PHTF2: variants seen among roughly 807,000 people sequenced by gnomAD.
The protein encoded by PHTF2 is putative homeodomain transcription factor 2.
In PHTF2, 60 loss-of-function variants were observed where a neutral mutation model predicts 101.2. That is an observed-to-expected ratio of 0.59 (90% CI 0.48 to 0.73). PHTF2 has a LOEUF of 0.73. PHTF2 is among the 30% of genes least tolerant of loss of function. PHTF2 has a pLI of 0.00. For missense variants in PHTF2, 747 were observed against 908.7 expected, an observed-to-expected ratio of 0.82 and a Z score of 2.29; for synonymous variants, 311 against 307.3, an observed-to-expected ratio of 1.01 and a Z score of -0.13.
chr7:77,879,133 C>CTAT (rs1799192803), intron 3 of PHTF2, among the ~76,000 whole-genome samples: 5 of 152,192 alleles, frequency 3.3e-5, no homozygotes, highest in Admixed American at 2.0e-4. Context: ...AGACATTGGT[C>CTAT]CTTTCAGACC....
chr7:77,924,432 G>A (rs535908376), intron 11 of PHTF2, among the ~76,000 whole-genome samples: 6 of 152,206 alleles, frequency 3.9e-5, no homozygotes, highest in Non-Finnish European at 8.8e-5. Context: ...CCTGATTGTC[G>A]TTTGTTGCAG....
chr7:77,951,733 G>C (rs780922505), intron 18 of PHTF2, 21 bp downstream of exon 17: 1 of 972,186 alleles, frequency 1.0e-6, no homozygotes, highest in Non-Finnish European at 1.5e-6. Flanking sequence ...AACTGAAAAT[G>C]GTTATAATGT....
intron 3 of PHTF2, among the ~76,000 whole-genome samples, chr7:77,860,524 T>TAAAGAA (rs1797553105): frequency 1.3e-5 from 2 of 152,256 alleles, no homozygotes; most frequent in East Asian, 3.9e-4. Flanking sequence ...ATCTGTAATA[T>TAAAGAA]TGAGATAAGA....
intron 3 of PHTF2, among the ~76,000 whole-genome samples, chr7:77,880,736 A>G (rs1258447426): frequency 6.6e-6 from 1 of 152,110 alleles, no homozygotes; most frequent in Non-Finnish European, 1.5e-5. Context: ...GCCCCATCTA[A>G]TGGCTTCAGT....
intron 1 of PHTF2, among the ~76,000 whole-genome samples, chr7:77,836,099 CAA>C (rs1473962175): frequency 1.2e-4 from 10 of 86,346 alleles, no homozygotes; most frequent in African/African-American, 3.4e-4. Context: ...GCCTGGGTAA[CAA>C]GAGCGAAAAC....
At chr7:77,844,337 CG>C (rs1234031991) in intron 2 of PHTF2, among the ~76,000 whole-genome samples, 6 of 152,032 alleles carry the variant, frequency 3.9e-5, no homozygotes, top group Non-Finnish European at 1.5e-5. Context: ...AAAATTGTGA[CG>C]TTTTTATATT....
intron 18 of PHTF2, among the ~76,000 whole-genome samples, chr7:77,952,528 T>A (rs1806642194): frequency 6.6e-6 from 1 of 152,170 alleles, no homozygotes; most frequent in African/African-American, 2.4e-5. Context: ...AGGAAGATGA[T>A]GACATTTAAA....
At chr7:77,935,474 C>G (rs928297894) in intron 12 of PHTF2, among the ~76,000 whole-genome samples, 1 of 152,184 alleles carries the variant, frequency 6.6e-6, no homozygotes, top group African/African-American at 2.4e-5. Context: ...ATCCGCCCAC[C>G]TCAGCCTCCC....
chr7:77,824,047 G>A (rs1195413937), intron 1 of PHTF2, among the ~76,000 whole-genome samples: 5 of 152,092 alleles, frequency 3.3e-5, no homozygotes, highest in Admixed American at 6.5e-5. Context: ...GCTGGAGAGG[G>A]ATCATATGAG....
At chr7:77,954,610 GTGTATATATA>G (rs1192119688) in intron 19 of PHTF2, among the ~76,000 whole-genome samples, 1,471 of 82,524 alleles carry the variant, frequency 0.018, 17 homozygotes, top group African/African-American at 0.06. Flanking sequence ...AACAAGTACT[GTGTATATATA>G]TATATATATA....
intron 3 of PHTF2, among the ~76,000 whole-genome samples, chr7:77,878,529 T>G (rs1799136910): frequency 6.6e-6 from 1 of 152,216 alleles, no homozygotes; most frequent in African/African-American, 2.4e-5. Context: ...CCATAATTTC[T>G]AGTCTCATGG....
At chr7:77,802,345 A>G (rs979126686) in intron 1 of PHTF2, among the ~76,000 whole-genome samples, 4 of 152,218 alleles carry the variant, frequency 2.6e-5, no homozygotes, top group Non-Finnish European at 5.9e-5. Flanking sequence ...CCATTATTAC[A>G]TGTTTATTTA....
At chr7:77,806,090 C>G (rs1792953392) in intron 1 of PHTF2, among the ~76,000 whole-genome samples, 1 of 151,612 alleles carries the variant, frequency 6.6e-6, no homozygotes, top group Non-Finnish European at 1.5e-5. Flanking sequence ...CAGAAGAATC[C>G]TTTGAACCTG....
intron 3 of PHTF2, among the ~76,000 whole-genome samples, chr7:77,892,327 G>A (rs1471283096): frequency 6.6e-6 from 1 of 152,104 alleles, no homozygotes; most frequent in Admixed American, 6.6e-5. Context: ...TTCTTATCAA[G>A]TCACTTAAGT....
At chr7:77,929,729 A>T (rs1222110834) in intron 12 of PHTF2, among the ~76,000 whole-genome samples, 2 of 152,208 alleles carry the variant, frequency 1.3e-5, no homozygotes, top group African/African-American at 4.8e-5. Flanking sequence ...TGGAAATATT[A>T]TGAGAGTCAG....
At chr7:77,848,624 G>GCAAT (rs1445352934) in intron 2 of PHTF2, among the ~76,000 whole-genome samples, 4 of 152,082 alleles carry the variant, frequency 2.6e-5, no homozygotes, top group Non-Finnish European at 5.9e-5. Flanking sequence ...ATTGTCAGAT[G>GCAAT]GGTAGTTTGC....
chr7:77,892,586 A>C (rs2150796781), intron 3 of PHTF2, among the ~76,000 whole-genome samples: 1 of 152,284 alleles, frequency 6.6e-6, no homozygotes, highest in Non-Finnish European at 1.5e-5. Context: ...TAGGCTTCTA[A>C]TTTTAAATTA....
chr7:77,949,782 A>T, exon 17 of PHTF2: 1 of 1,546,554 alleles, frequency 6.5e-7, no homozygotes, highest in Non-Finnish European at 8.8e-7. Context: ...TTACCCTTGG[A>T]TCAGAAACAA....
At chr7:77,927,195 T>TACACACACACACACAC (rs1434065287) in intron 11 of PHTF2, among the ~76,000 whole-genome samples, 9 of 78,542 alleles carry the variant, frequency 1.1e-4, no homozygotes, top group African/African-American at 2.9e-4. Flanking sequence ...TATATATATA[T>TACACACACACACACAC]ACATACACAC....
Sources: gnomAD v4.1 joint callset for allele counts (sites outside exome capture counted in the v4.1 genomes callset) on GRCh38, gnomAD v4.1.1 for gene constraint, MANE v1.5 for transcripts, NCBI Gene and HGNC (gene_info 2026-07-23, HGNC 2026-07-21) for gene names.